The following LARS1 variants were observed in gnomAD, a reference collection of about 807,000 sequenced individuals.
LARS1 encodes leucine--tRNA ligase, cytoplasmic.
In LARS1, 100 loss-of-function variants were observed where a neutral mutation model predicts 162.8. That is an observed-to-expected ratio of 0.61 (90% CI 0.52 to 0.73). The LOEUF is 0.73. Among genes scored for constraint, LARS1 ranks in the 30% least tolerant of loss-of-function variants. The pLI is 0.00. For missense variants in LARS1, 1,258 were observed against 1,408.9 expected, an observed-to-expected ratio of 0.89 and a Z score of 1.71; for synonymous variants, 457 against 462.8, an observed-to-expected ratio of 0.99 and a Z score of 0.16.
intron 8 of LARS1, 95 bp downstream of exon 8, chr5:146,159,312 C>A: frequency 1.1e-6 from 1 of 877,900 alleles, no homozygotes; most frequent in Non-Finnish European, 1.8e-6. Flanking sequence ...CATCCCTCAG[C>A]ACTACAAAGA....
intron 10 of LARS1, among the ~76,000 whole-genome samples, chr5:146,155,592 A>G (rs1352317029): frequency 1.3e-5 from 2 of 152,146 alleles, no homozygotes; most frequent in African/African-American, 2.4e-5. Context: ...TAAGGAACAC[A>G]CTTTTCCTTT....
At chr5:146,125,723 G>A (rs895543192) in intron 28 of LARS1, among the ~76,000 whole-genome samples, 3 of 151,850 alleles carry the variant, frequency 2.0e-5, no homozygotes, top group African/African-American at 4.8e-5. Flanking sequence ...CATAGCCTGC[G>A]ATCTTAAGCA....
rs763520931 is a variant in LARS1 at position 146,144,274 on chromosome 5, A to G, written c.1731T>C (p.Tyr577=). The G allele has an allele frequency of 3.5e-5, 57 of 1,608,646 alleles. No individual in the cohort carries two copies. The highest frequency in any genetic ancestry group is 4.5e-5 in the Non-Finnish European group (53 of 1,178,608). The change falls in exon 18 of 32, where the codon TAT becomes TAC. Residue 577 remains tyrosine (Y), a synonymous_variant. Coordinates refer to ENST00000394434, the MANE Select transcript of LARS1 (RefSeq NM_020117.11). ...WLQEHACSRT[Y]GLGTHLPWDE... is the part of the protein sequence containing the mutation. ...AATTTCAAGTTTGTTTACCTAGACCATAAGTTCTTGAGCAAGCATGTTCTT... is the reference window on the plus strand; with the variant it reads ...AATTTCAAGTTTGTTTACCTAGACCGTAAGTTCTTGAGCAAGCATGTTCTT...
chr5:146,137,108 G>A (rs1311221232), intron 21 of LARS1, among the ~76,000 whole-genome samples: 1 of 152,160 alleles, frequency 6.6e-6, no homozygotes, highest in Admixed American at 6.5e-5. Context: ...ACATCGGCCA[G>A]GCTGGTCTTG....
At chr5:146,128,349 C>T (rs1426682025) in intron 27 of LARS1, among the ~76,000 whole-genome samples, 6 of 152,124 alleles carry the variant, frequency 3.9e-5, no homozygotes, top group Admixed American at 1.3e-4. Context: ...GCTCAAGTTA[C>T]AACAAATTCC....
intron 14 of LARS1, 134 bp from the exon 15 acceptor site, chr5:146,149,833 C>A: frequency 1.5e-6 from 1 of 667,788 alleles, no homozygotes; most frequent in South Asian, 1.8e-5. Context: ...ATCATATTTA[C>A]AACGATAATT....
At chr5:146,143,351 A>G in intron 19 of LARS1, 61 bp downstream of exon 19, 1 of 1,533,874 alleles carries the variant, frequency 6.5e-7, no homozygotes, top group South Asian at 1.3e-5. Context: ...TTAAATACAT[A>G]AATCAAATAT....
At chr5:146,127,366 T>C (rs1290640769) in intron 27 of LARS1, among the ~76,000 whole-genome samples, 1 of 152,054 alleles carries the variant, frequency 6.6e-6, no homozygotes, top group Non-Finnish European at 1.5e-5. Flanking sequence ...ACCAAAATGG[T>C]GCCACATTCA....
rs570288227 is a variant in LARS1 at position 146,117,761 on chromosome 5, A to G, written c.3325+2610T>C. On this transcript the variant is annotated intron_variant, in intron 31 of 31. Transcript: ENST00000394434. ...ATGGTACCTAGTTCACTGAGAGGAC[A>G]TAATAAATGCATATAACATGATGAA... Among the ~76,000 whole-genome samples the G allele has an allele frequency of 1.4e-4, 21 of 147,322 alleles. No homozygotes were observed. The South Asian group carries it at 4.5e-3, about 31-fold the overall frequency.
rs1239371931 is a variant in LARS1 at position 146,131,022 on chromosome 5, A to G, written c.2484T>C (p.Phe828=). ...KEALKTGFFE[F]QAAKDKYREL... ...ACCAAAAGAATCAACAGCCTACCTG[A>G]AACTCAAAAAACCCTGTTTTCAAAG... The change falls in exon 24 of 32, where the codon TTT becomes TTC. Residue 828 remains phenylalanine (F), a synonymous_variant. Coordinates refer to ENST00000394434, the MANE Select transcript of LARS1 (RefSeq NM_020117.11). 5 of 1,562,770 alleles carry G rather than the reference A, an allele frequency of 3.2e-6. No homozygotes were observed. In the Middle Eastern group the frequency reaches 5.1e-4, roughly 159 times the overall value.
At chr5:146,150,492 TG>T (rs1214307575) in intron 14 of LARS1, among the ~76,000 whole-genome samples, 1 of 152,116 alleles carries the variant, frequency 6.6e-6, no homozygotes, top group African/African-American at 2.4e-5. Flanking sequence ...CTGGGTGTGA[TG>T]GCAGGGGCCT....
Position 146,120,472 on chromosome 5 carries a change from T to C in LARS1, c.3224A>G (p.Gln1075Arg). 6.2e-7 allele frequency: 1 copy of C among 1,613,150 alleles called. No individual in the cohort carries two copies. Among genetic ancestry groups the C allele is most frequent in the African/African-American group, 1.3e-5 (1 of 74,956 alleles). The change falls in exon 31 of 32, where the codon CAG (glutamine) becomes CGG (arginine). Residue 1075 changes from glutamine (Q) to arginine (R), a missense_variant. By Grantham distance (43) the Gln-to-Arg change is conservative (BLOSUM62 1). Coordinates refer to ENST00000394434, the MANE Select transcript of LARS1 (RefSeq NM_020117.11). ...PGVSVSLVNP[Q>R]PSNGHFSTKI... ...GGTTGAGAAGTGGCCATTGGATGGC[T>C]GGGGATTCACCAGAGAAACGGACAC...
Position 146,168,165 on chromosome 5 carries a change from T to G in LARS1, c.395A>C (p.Glu132Ala). 1 of 1,610,158 alleles carries G rather than the reference T, an allele frequency of 6.2e-7. No homozygotes were observed. The highest frequency in any genetic ancestry group is 8.5e-7 in the Non-Finnish European group (1 of 1,176,638). ...AGCTTTATCCTTAATTATTATATCTTCTGTTTTAACACTGGTTTCTTCCTC... is the reference window on the plus strand; with the variant it reads ...AGCTTTATCCTTAATTATTATATCTGCTGTTTTAACACTGGTTTCTTCCTC... ...EEEEETSVKT[E>A]DIIIKDKAKG... Residue 132 changes from glutamate (E) to alanine (A), a missense_variant, in exon 5 of 32, where the codon GAA becomes GCA. Transcript: ENST00000394434.
At chr5:146,114,433 GA>G in intron 31 of LARS1, 122 bp from the exon 32 acceptor site, 5 of 805,144 alleles carry the variant, frequency 6.2e-6, no homozygotes, top group Non-Finnish European at 9.7e-6. Context: ...ATTTTCTTCA[GA>G]TTATTAAATA....
intron 22 of LARS1, among the ~76,000 whole-genome samples, chr5:146,135,328 T>C (rs1210409503): frequency 2.6e-5 from 4 of 152,012 alleles, no homozygotes; most frequent in Non-Finnish European, 5.9e-5. Flanking sequence ...ATACTCAACA[T>C]CTCTACAAAA....
intron 10 of LARS1, among the ~76,000 whole-genome samples, chr5:146,154,868 T>C (rs1561819736): frequency 6.6e-6 from 1 of 152,158 alleles, no homozygotes; most frequent in Admixed American, 6.5e-5. Flanking sequence ...TAATTTTTTT[T>C]TTGAGATGGA....
intron 20 of LARS1, among the ~76,000 whole-genome samples, chr5:146,142,522 T>C (rs1752829512): frequency 1.3e-5 from 2 of 152,138 alleles, no homozygotes; most frequent in Admixed American, 6.5e-5. Context: ...AGTCAGAATG[T>C]TACCACAACT....
intron 3 of LARS1, 75 bp downstream of exon 3, chr5:146,172,612 T>C (rs1754330792): frequency 1.3e-6 from 1 of 745,174 alleles, no homozygotes. Flanking sequence ...ATAAATTCTA[T>C]AGCTGCCATT....
intron 2 of LARS1, among the ~76,000 whole-genome samples, chr5:146,175,586 TC>T (rs1754523682): frequency 6.9e-6 from 1 of 144,866 alleles, no homozygotes; most frequent in Non-Finnish European, 1.5e-5. Flanking sequence ...ACGCCTGTAA[TC>T]CCAGCACTTT....
Sources: gnomAD v4.1 joint callset for allele counts (sites outside exome capture counted in the v4.1 genomes callset) on GRCh38, gnomAD v4.1.1 for gene constraint, MANE v1.5 for transcripts, NCBI Gene and HGNC (gene_info 2026-07-23, HGNC 2026-07-21) for gene names.